Variants in BBX observed in about 807,000 individuals in gnomAD.
BBX encodes HMG box transcription factor BBX.
In BBX, 30 loss-of-function variants were observed where a neutral mutation model predicts 100.2. The observed-to-expected ratio is 0.30, with a 90% CI of 0.22 to 0.41. The LOEUF is 0.41. Ranked by LOEUF, BBX falls within the 10% of genes least tolerant of loss-of-function variation. BBX has a pLI of 1.00. For synonymous variants in BBX, 376 were observed against 388.1 expected (o/e 0.97, Z 0.37); for missense variants, 1,023 against 1,129.8 (o/e 0.91, Z 1.35).
At chr3:107,759,204 G>A (rs1019311525) in intron 10 of BBX, among the ~76,000 whole-genome samples, 23 of 152,142 alleles carry the variant, frequency 1.5e-4, no homozygotes, top group Non-Finnish European at 2.9e-4. Context: ...TCCTGGGGAA[G>A]GTCCTAATTC....
At chr3:107,693,668 A>G (rs1026762185) in intron 3 of BBX, among the ~76,000 whole-genome samples, 2 of 151,736 alleles carry the variant, frequency 1.3e-5, no homozygotes, top group Admixed American at 6.6e-5. Flanking sequence ...CTCAGGATTG[A>G]CTTGGCGATG....
chr3:107,647,087 C>T (rs927491714), intron 3 of BBX, among the ~76,000 whole-genome samples: 2 of 152,126 alleles, frequency 1.3e-5, no homozygotes, highest in Non-Finnish European at 2.9e-5. Flanking sequence ...TCAAGGCACA[C>T]TTGTTACAAA....
chr3:107,740,658 C>T (rs1010524315), intron 7 of BBX, among the ~76,000 whole-genome samples: 1 of 152,022 alleles, frequency 6.6e-6, no homozygotes, highest in Admixed American at 6.6e-5. Flanking sequence ...TATTCTTCAG[C>T]CACACTGAGA....
chr3:107,635,104 T>C (rs2056772835), intron 2 of BBX, among the ~76,000 whole-genome samples: 1 of 150,794 alleles, frequency 6.6e-6, no homozygotes, highest in Admixed American at 6.6e-5. Context: ...CTTGGGTTCC[T>C]TGTGACTATT....
intron 3 of BBX, among the ~76,000 whole-genome samples, chr3:107,705,326 G>A (rs2061332424): frequency 1.3e-5 from 2 of 152,278 alleles, no homozygotes; most frequent in African/African-American, 2.4e-5. Flanking sequence ...GATTTGAGTG[G>A]AATTTCATTG....
intron 2 of BBX, among the ~76,000 whole-genome samples, chr3:107,585,929 T>G (rs2052801719): frequency 6.6e-6 from 1 of 152,260 alleles, no homozygotes; most frequent in African/African-American, 2.4e-5. Flanking sequence ...CAGTTTTCAC[T>G]TGGCTATTAC....
At chr3:107,737,166 C>T (rs930885640) in intron 7 of BBX, among the ~76,000 whole-genome samples, 3 of 152,084 alleles carry the variant, frequency 2.0e-5, no homozygotes, top group African/African-American at 7.2e-5. Context: ...TTTAACTCTC[C>T]TGCAAATAAT....
At chr3:107,731,997 C>T (rs2063345765) in intron 6 of BBX, among the ~76,000 whole-genome samples, 6 of 152,146 alleles carry the variant, frequency 3.9e-5, no homozygotes, top group Admixed American at 3.9e-4. Context: ...GATAGACTTA[C>T]AGGACACAGG....
intron 2 of BBX, among the ~76,000 whole-genome samples, chr3:107,564,798 TATTTC>T (rs1481121157): frequency 6.6e-6 from 1 of 152,250 alleles, no homozygotes; most frequent in Admixed American, 6.5e-5. Context: ...CAAATTCTCT[TATTTC>T]TTTTCACAAT....
At chr3:107,785,144 A>G (rs1304492722) in intron 13 of BBX, among the ~76,000 whole-genome samples, 1 of 151,686 alleles carries the variant, frequency 6.6e-6, no homozygotes, top group Non-Finnish European at 1.5e-5. Context: ...TAACTAATAA[A>G]GACATTGAAC....
At chr3:107,609,710 G>A (rs756889928) in intron 2 of BBX, among the ~76,000 whole-genome samples, 2 of 151,886 alleles carry the variant, frequency 1.3e-5, no homozygotes, top group Non-Finnish European at 2.9e-5. Context: ...TTGAATTTCT[G>A]CGGTGTTGGT....
chr3:107,716,435 A>T, intron 4 of BBX, 172 bp from the exon 5 acceptor site: 1 of 724,970 alleles, frequency 1.4e-6, no homozygotes, highest in Non-Finnish European at 2.2e-6. Context: ...ATCATAAGTT[A>T]GTTACCAACC....
intron 2 of BBX, among the ~76,000 whole-genome samples, chr3:107,587,745 C>T (rs929444589): frequency 1.3e-5 from 2 of 152,162 alleles, no homozygotes; most frequent in Non-Finnish European, 2.9e-5. Flanking sequence ...CACAGATTTG[C>T]AGGCTCGAGG....
At chr3:107,742,293 T>C (rs2064175099) in intron 7 of BBX, among the ~76,000 whole-genome samples, 2 of 151,960 alleles carry the variant, frequency 1.3e-5, no homozygotes, top group African/African-American at 4.8e-5. Flanking sequence ...ATTGTTTCTT[T>C]CCTTCCCAAC....
chr3:107,528,453 T>A (rs1393857580), intron 2 of BBX, among the ~76,000 whole-genome samples: 1 of 152,208 alleles, frequency 6.6e-6, no homozygotes, highest in African/African-American at 2.4e-5. Context: ...GACATAGATG[T>A]TTTTTAAAAT....
At chr3:107,776,478 T>C (rs1442379214) in intron 12 of BBX, 1 of 152,214 alleles carries the variant, frequency 6.6e-6, no homozygotes, top group African/African-American at 2.4e-5. Context: ...TTTCTCCCTT[T>C]AAATATTGGC....
At chr3:107,597,126 T>G (rs1244956809) in intron 2 of BBX, among the ~76,000 whole-genome samples, 1 of 152,238 alleles carries the variant, frequency 6.6e-6, no homozygotes, top group Non-Finnish European at 1.5e-5. Flanking sequence ...AATTGTTATA[T>G]TCTTAAATAT....
intron 3 of BBX, among the ~76,000 whole-genome samples, chr3:107,672,809 T>C (rs2107929178): frequency 6.6e-6 from 1 of 152,222 alleles, no homozygotes; most frequent in South Asian, 2.1e-4. Context: ...ATGAAGTAAA[T>C]TTTAATGAAG....
chr3:107,695,755 G>A (rs1371642396), intron 3 of BBX, among the ~76,000 whole-genome samples: 1 of 151,290 alleles, frequency 6.6e-6, no homozygotes, highest in South Asian at 2.1e-4. Flanking sequence ...TATCCTTGTT[G>A]ACTTTCTGTC....
Sources: allele counts gnomAD v4.1 joint callset (sites outside exome capture counted in the v4.1 genomes callset), GRCh38; gene constraint gnomAD v4.1.1; transcripts MANE v1.5; gene names NCBI Gene and HGNC (gene_info 2026-07-23, HGNC 2026-07-21).